Variants in ASAP1 observed in about 807,000 individuals in gnomAD.
ASAP1 encodes arf-GAP with SH3 domain, ANK repeat and PH domain-containing protein 1.
A neutral mutation model predicts 145.2 loss-of-function variants in ASAP1; 43 were observed. The observed-to-expected ratio is 0.30, with a 90% confidence interval of 0.23 to 0.38. The LOEUF is 0.38. Ranked by LOEUF, ASAP1 falls within the 10% of genes least tolerant of loss-of-function variation. ASAP1 has a pLI of 1.00. For synonymous variants in ASAP1, 546 were observed against 515.5 expected, an observed-to-expected ratio of 1.06 and a Z score of -0.80; for missense variants, 1,018 against 1,355.3, an observed-to-expected ratio of 0.75 and a Z score of 3.91.
At chr8:130,410,500 C>T (rs929480003) in intron 1 of ASAP1, among the ~76,000 whole-genome samples, 2 of 152,354 alleles carry the variant, frequency 1.3e-5, no homozygotes, top group East Asian at 1.9e-4. Context: ...CCAGCAGGAG[C>T]AGGCTCAACC....
At chr8:130,425,010 A>G (rs1829863233) in intron 1 of ASAP1, among the ~76,000 whole-genome samples, 1 of 137,918 alleles carries the variant, frequency 7.3e-6, no homozygotes. Flanking sequence ...ATAAATAAAT[A>G]AATAAATAAA....
intron 3 of ASAP1, among the ~76,000 whole-genome samples, chr8:130,324,962 G>A (rs1391896765): frequency 2.0e-5 from 3 of 152,182 alleles, no homozygotes; most frequent in Admixed American, 1.3e-4. Flanking sequence ...AAAGGTGACT[G>A]AGAACAAGGA....
chr8:130,381,970 C>A (rs1827789312), intron 2 of ASAP1, among the ~76,000 whole-genome samples: 1 of 152,116 alleles, frequency 6.6e-6, no homozygotes, highest in South Asian at 2.1e-4. Context: ...TGTTTATTTT[C>A]TTAAGGTACA....
intron 1 of ASAP1, among the ~76,000 whole-genome samples, chr8:130,418,410 T>C (rs1829576749): frequency 1.3e-5 from 2 of 152,094 alleles, no homozygotes; most frequent in South Asian, 4.1e-4. Context: ...TAGTCGGTCA[T>C]GGTGGCATGA....
At chr8:130,153,041 G>T (rs1026804883) in intron 12 of ASAP1, among the ~76,000 whole-genome samples, 3 of 151,568 alleles carry the variant, frequency 2.0e-5, no homozygotes, top group African/African-American at 7.3e-5. Flanking sequence ...TTTTGAGATG[G>T]AGTCTTGCTC....
chr8:130,286,280 C>T (rs1821606944), intron 3 of ASAP1, among the ~76,000 whole-genome samples: 1 of 152,152 alleles, frequency 6.6e-6, no homozygotes, highest in African/African-American at 2.4e-5. Context: ...TAACAAAAAC[C>T]TGCTGCAAAA....
chr8:130,163,230 T>C (rs191796044), intron 11 of ASAP1: 2 of 152,310 alleles, frequency 1.3e-5, no homozygotes, highest in Non-Finnish European at 2.9e-5. Context: ...TGCTAACCTT[T>C]AAAATAAAAC....
chr8:130,248,958 TCTCA>T (rs1207743981), intron 3 of ASAP1, among the ~76,000 whole-genome samples: 1 of 152,092 alleles, frequency 6.6e-6, no homozygotes, highest in Non-Finnish European at 1.5e-5. Context: ...GAAACAGGGG[TCTCA>T]CTATGTTAAT....
chr8:130,333,871 C>T (rs1455007672), intron 3 of ASAP1, among the ~76,000 whole-genome samples: 1 of 152,194 alleles, frequency 6.6e-6, no homozygotes, highest in Non-Finnish European at 1.5e-5. Flanking sequence ...GCTGAGATTA[C>T]AGAAGAGACT....
intron 25 of ASAP1, among the ~76,000 whole-genome samples, chr8:130,081,051 A>C (rs2097478833): frequency 6.6e-6 from 1 of 152,242 alleles, no homozygotes; most frequent in Non-Finnish European, 1.5e-5. Context: ...TGTGAGACTT[A>C]AGACATAGGA....
At chr8:130,055,297 GAAAA>G (rs550577973) in intron 29 of ASAP1, among the ~76,000 whole-genome samples, 1 of 74,348 alleles carries the variant, frequency 1.3e-5, no homozygotes, top group South Asian at 4.7e-4. Flanking sequence ...ATTTAAAAAA[GAAAA>G]AAAAAAAAAA....
chr8:130,293,349 G>A (rs968718376), intron 3 of ASAP1, among the ~76,000 whole-genome samples: 1 of 152,142 alleles, frequency 6.6e-6, no homozygotes, highest in African/African-American at 2.4e-5. Context: ...TGCCCCACCA[G>A]GTAAGACTGG....
intron 24 of ASAP1, among the ~76,000 whole-genome samples, chr8:130,100,028 CAGT>C (rs1262358538): frequency 6.6e-6 from 1 of 152,062 alleles, no homozygotes; most frequent in Non-Finnish European, 1.5e-5. Context: ...GATAAATACC[CAGT>C]AGTAGAATTG....
Position 130,102,901 on chromosome 8 carries a change from G to A in ASAP1, c.2401+9193C>T, listed in dbSNP as rs184717933. ...AGACAGGGTCTCACCATGTTGCCCA[G>A]ATTGGTCTCAAACTTCTGGCCTCAA... On this transcript the variant is annotated intron_variant, in intron 24 of 29. Transcript: ENST00000518721. Among the ~76,000 whole-genome samples, 267 of 152,298 alleles carry A rather than the reference G, an allele frequency of 1.8e-3. 1 individual carries two copies. Among genetic ancestry groups the A allele is most frequent in the Middle Eastern group, 0.01 (3 of 294 alleles).
At chr8:130,145,457 A>C (rs764209097) in intron 13 of ASAP1, among the ~76,000 whole-genome samples, 14 of 152,210 alleles carry the variant, frequency 9.2e-5, no homozygotes, top group Middle Eastern at 3.4e-3. Context: ...AGCTGGGATT[A>C]CAGGCACGCG....
At chr8:130,064,573 A>G (rs1172596089) in intron 27 of ASAP1, among the ~76,000 whole-genome samples, 1 of 152,134 alleles carries the variant, frequency 6.6e-6, no homozygotes, top group Non-Finnish European at 1.5e-5. Flanking sequence ...ACACCACAAC[A>G]ATCATCAACA....
At chr8:130,250,769 A>G (rs921400311) in intron 3 of ASAP1, among the ~76,000 whole-genome samples, 3 of 152,190 alleles carry the variant, frequency 2.0e-5, no homozygotes, top group Non-Finnish European at 2.9e-5. Context: ...TTAAAAAAAA[A>G]TCCAAATGAA....
At chr8:130,403,605 T>C (rs931376815) in intron 1 of ASAP1, among the ~76,000 whole-genome samples, 3 of 146,442 alleles carry the variant, frequency 2.0e-5, no homozygotes, top group African/African-American at 7.7e-5. Flanking sequence ...CAGACTGGAG[T>C]GCAGTGGCGC....
rs977104114 is a variant in ASAP1, at chr8:130,120,376, T to C, written c.1608-1701A>G. On this transcript the variant is annotated intron_variant, in intron 18 of 29. Coordinates refer to ENST00000518721, the MANE Select transcript of ASAP1 (RefSeq NM_018482.4). ...CAAGTCTGAGACCACGTGCTAACTATGTGACCCTGGGTAAATCAAGTTCTC... is the reference window on the plus strand; with the variant it reads ...CAAGTCTGAGACCACGTGCTAACTACGTGACCCTGGGTAAATCAAGTTCTC... Among the ~76,000 whole-genome samples, 21 of 152,238 alleles carry C rather than the reference T, an allele frequency of 1.4e-4. 1 individual carries two copies. The highest frequency in any genetic ancestry group is 7.9e-4 in the Admixed American group (12 of 15,280).
Sources: gnomAD v4.1 joint callset for allele counts (sites outside exome capture counted in the v4.1 genomes callset) on GRCh38, gnomAD v4.1.1 for gene constraint, MANE v1.5 for transcripts, NCBI Gene and HGNC (gene_info 2026-07-23, HGNC 2026-07-21) for gene names.